Variants in GPM6A observed in about 807,000 individuals in gnomAD.
GPM6A encodes neuronal membrane glycoprotein M6-a.
GPM6A carries 7 observed loss-of-function variants against 32.1 expected under a neutral mutation model. The ratio of observed to expected loss-of-function variants is 0.22; its 90% CI spans 0.12 to 0.41. The LOEUF (loss-of-function observed/expected upper bound fraction) is 0.41. Ranked by LOEUF, GPM6A falls within the 10% of genes least tolerant of loss-of-function variation. The pLI is 1.00. For synonymous variants in GPM6A, 130 were observed against 123.4 expected, an observed-to-expected ratio of 1.05 and a Z score of -0.35; for missense variants, 235 against 347.2, an observed-to-expected ratio of 0.68 and a Z score of 2.57.
At chr4:175,998,660 G>C (rs1741384127) in intron 1 of GPM6A, among the ~76,000 whole-genome samples, 5 of 151,900 alleles carry the variant, frequency 3.3e-5, no homozygotes, top group Admixed American at 2.6e-4. Flanking sequence ...TTTTTCACTT[G>C]ACCTATCTCT....
At chr4:175,724,741 T>C (rs1746317838) in intron 1 of GPM6A, among the ~76,000 whole-genome samples, 1 of 152,120 alleles carries the variant, frequency 6.6e-6, no homozygotes, top group South Asian at 2.1e-4. Flanking sequence ...AATCAGGCCT[T>C]GAGAGAAGAG....
intron 1 of GPM6A, among the ~76,000 whole-genome samples, chr4:175,995,593 A>G (rs1579695987): frequency 6.6e-6 from 1 of 152,116 alleles, no homozygotes. Flanking sequence ...GTCGGATTAC[A>G]TGTTAAAATT....
upstream of GPM6A, chr4:175,812,304 T>TTTTTTTTG: frequency 2.0e-6 from 2 of 980,788 alleles, no homozygotes; most frequent in Non-Finnish European, 2.5e-6. Flanking sequence ...ACTGGGGGTT[T>TTTTTTTTG]TTTTTTTTTT....
chr4:175,659,086 C>CTT (rs563940419), intron 3 of GPM6A, among the ~76,000 whole-genome samples: 1,500 of 143,706 alleles, frequency 0.01, 19 homozygotes, highest in African/African-American at 0.036. Context: ...TTTTGTTTTC[C>CTT]TTTTTTTTTT....
chr4:175,831,309 A>G (rs1301823673), intron 1 of GPM6A, among the ~76,000 whole-genome samples: 1 of 152,104 alleles, frequency 6.6e-6, no homozygotes, highest in Non-Finnish European at 1.5e-5. Flanking sequence ...AATTGAAAGT[A>G]CCTTTGAATG....
At chr4:175,802,690 AC>A (rs1373589229) in intron 1 of GPM6A, among the ~76,000 whole-genome samples, 3 of 152,114 alleles carry the variant, frequency 2.0e-5, no homozygotes, top group African/African-American at 7.2e-5. Flanking sequence ...TTATGAATGA[AC>A]ACAGTAAGCC....
At chr4:175,672,113 C>T (rs891368843) in intron 3 of GPM6A, among the ~76,000 whole-genome samples, 14 of 152,108 alleles carry the variant, frequency 9.2e-5, no homozygotes, top group African/African-American at 3.4e-4. Context: ...TATAGATATG[C>T]AATTCTTCCT....
chr4:175,901,554 C>T (rs1737966784), intron 1 of GPM6A, among the ~76,000 whole-genome samples: 2 of 150,264 alleles, frequency 1.3e-5, no homozygotes, highest in South Asian at 4.2e-4. Flanking sequence ...TCAGAACTCT[C>T]ATATATTTTT....
At chr4:175,767,885 T>C (rs1733036115) in intron 1 of GPM6A, among the ~76,000 whole-genome samples, 1 of 152,234 alleles carries the variant, frequency 6.6e-6, no homozygotes, top group South Asian at 2.1e-4. Context: ...AAATTCTTTA[T>C]ATAGAAGATG....
intron 1 of GPM6A, chr4:175,787,221 A>AT: frequency 1.5e-6 from 1 of 684,504 alleles, no homozygotes; most frequent in Non-Finnish European, 2.6e-6. Context: ...AATAAAATTC[A>AT]TCTTAAAGCT....
intron 1 of GPM6A, among the ~76,000 whole-genome samples, chr4:175,857,112 C>T (rs1243433869): frequency 6.6e-6 from 1 of 152,138 alleles, no homozygotes; most frequent in Non-Finnish European, 1.5e-5. Context: ...TGGCAATTCT[C>T]TGTACTATCT....
intron 1 of GPM6A, among the ~76,000 whole-genome samples, chr4:176,000,104 C>A (rs1181488928): frequency 6.6e-6 from 1 of 152,280 alleles, no homozygotes; most frequent in Middle Eastern, 3.4e-3. Flanking sequence ...CTGCTACAGG[C>A]CTGCTCTTTT....
At position 175,812,174 on chromosome 4, in the gene GPM6A, C is replaced by T. The variant is rs367587263; in HGVS notation, c.37+17G>A. The stretch of plus-strand genomic sequence containing the variant: ...AAATAATTACTTAGTTACAAATAAA[C>T]GCTTTTAGCACAGTACCTTTTTGTG... On this transcript the variant is annotated intron_variant, in intron 1 of 6. Transcript: ENST00000393658. 28 of 1,542,158 alleles carry T rather than the reference C, an allele frequency of 1.8e-5. No individual in the cohort carries two copies. Among genetic ancestry groups the T allele is most frequent in the African/African-American group, 1.8e-4 (13 of 72,590 alleles).
At chr4:175,909,046 G>T (rs1418419820) in intron 1 of GPM6A, among the ~76,000 whole-genome samples, 1 of 98,640 alleles carries the variant, frequency 1.0e-5, no homozygotes, top group Non-Finnish European at 1.9e-5. Flanking sequence ...AAAGGGCGGG[G>T]GGGGGGCAAC....
At chr4:175,723,167 T>C (rs1168284235) in intron 1 of GPM6A, among the ~76,000 whole-genome samples, 1 of 152,236 alleles carries the variant, frequency 6.6e-6, no homozygotes, top group Non-Finnish European at 1.5e-5. Context: ...ATTTTATTTT[T>C]CTTTCACTTG....
rs560655282 is a variant in GPM6A at position 175,807,995 on chromosome 4, G to A, written c.37+4196C>T. 7.2e-5 allele frequency among the ~76,000 whole-genome samples: 11 copies of A among 152,268 alleles called. No individual in the cohort carries two copies. In the East Asian group the frequency reaches 2.1e-3, roughly 29 times the overall value. ...GTGAAGAGCCAATGAGTTCATTTAG[G>A]TAAAGTCCTTAGGCCAGTGTCTGGA... On this transcript the variant is annotated intron_variant, in intron 1 of 6. Coordinates refer to ENST00000393658, the MANE Select transcript of GPM6A (RefSeq NM_201591.3).
chr4:175,750,363 T>TGAGCCTATTTCTAAACCAAAGC (rs1175135918), intron 1 of GPM6A, among the ~76,000 whole-genome samples: 1 of 152,078 alleles, frequency 6.6e-6, no homozygotes. Context: ...TGGCCCTAAG[T>TGAGCCTATTTCTAAACCAAAGC]GAGCCTATTT....
At chr4:175,847,398 T>A (rs1374797370) in intron 1 of GPM6A, among the ~76,000 whole-genome samples, 1 of 152,158 alleles carries the variant, frequency 6.6e-6, no homozygotes, top group Non-Finnish European at 1.5e-5. Context: ...AATCGTGCTG[T>A]GTTCTGAGTA....
At chr4:175,965,616 T>C (rs60712548) in intron 1 of GPM6A, among the ~76,000 whole-genome samples, 16,602 of 141,774 alleles carry the variant, frequency 0.12, 1,032 homozygotes, top group South Asian at 0.25. Context: ...ATTTCTCTCT[T>C]TTTTTTTTTT....
Sources: gnomAD v4.1 joint callset for allele counts (sites outside exome capture counted in the v4.1 genomes callset) on GRCh38, gnomAD v4.1.1 for gene constraint, MANE v1.5 for transcripts, NCBI Gene and HGNC (gene_info 2026-07-23, HGNC 2026-07-21) for gene names.